Variants in GPC6 observed in about 807,000 individuals in gnomAD.
GPC6 encodes the protein glypican-6.
Under a neutral mutation model 55.2 loss-of-function variants are expected in GPC6, and 14 were observed. That is an observed-to-expected ratio of 0.25 (90% CI 0.17 to 0.40). The LOEUF is 0.40. GPC6 is among the 10% of genes least tolerant of loss of function. GPC6 has a pLI of 1.00. For synonymous variants in GPC6, 278 were observed against 259.6 expected, an observed-to-expected ratio of 1.07 and a Z score of -0.68; for missense variants, 641 against 708.5, an observed-to-expected ratio of 0.90 and a Z score of 1.08.
intron 2 of GPC6, among the ~76,000 whole-genome samples, chr13:93,610,526 A>T (rs931064448): frequency 1.3e-5 from 2 of 152,172 alleles, no homozygotes; most frequent in Non-Finnish European, 2.9e-5. Context: ...TCAGGAGATG[A>T]TAAGTGATCT....
chr13:93,819,687 A>C (rs1872096080), intron 2 of GPC6, among the ~76,000 whole-genome samples: 7 of 152,214 alleles, frequency 4.6e-5, no homozygotes, highest in Admixed American at 4.6e-4. Flanking sequence ...ATAGAAATGC[A>C]GTCCATAGGC....
At chr13:93,559,360 T>C (rs1167554154) in intron 2 of GPC6, among the ~76,000 whole-genome samples, 2 of 152,282 alleles carry the variant, frequency 1.3e-5, no homozygotes, top group Non-Finnish European at 1.5e-5. Flanking sequence ...TTGCATAAAG[T>C]TTTCCCCCAC....
At chr13:93,251,430 A>C (rs1876783585) in intron 1 of GPC6, among the ~76,000 whole-genome samples, 1 of 152,200 alleles carries the variant, frequency 6.6e-6, no homozygotes, top group Admixed American at 6.5e-5. Flanking sequence ...AAGTATTTGT[A>C]AAACATTATA....
Position 94,402,522 on chromosome 13 carries a change from A to T in GPC6, c.1466-493A>T, listed in dbSNP as rs548231182. 2.0e-5 allele frequency among the ~76,000 whole-genome samples: 3 copies of T among 152,192 alleles called. No individual in the cohort carries two copies. The East Asian group carries it at 5.8e-4, about 29-fold the overall frequency. ...ACAATCCTGTTGGGTAGGGTGGGGGACCATGGATGGGGAGATTTTGCCTCC... is the reference window on the plus strand; with the variant it reads ...ACAATCCTGTTGGGTAGGGTGGGGGTCCATGGATGGGGAGATTTTGCCTCC... On this transcript the variant is annotated intron_variant, in intron 8 of 8. Transcript: ENST00000377047.
At chr13:93,986,667 T>G (rs1881046952) in intron 3 of GPC6, among the ~76,000 whole-genome samples, 1 of 152,118 alleles carries the variant, frequency 6.6e-6, no homozygotes, top group African/African-American at 2.4e-5. Flanking sequence ...CAATGAATTG[T>G]GGAGAAATAT....
Position 94,405,708 on chromosome 13 carries a change from T to A in GPC6, c.*2491T>A, listed in dbSNP as rs566349029. 6.6e-6 allele frequency: 1 copy of A among 152,304 alleles called. No individual in the cohort carries two copies. The highest frequency in any genetic ancestry group is 1.9e-4 in the East Asian group (1 of 5,186). The allele number at this position is 152,304 out of a possible 1,614,324, so 9.4% of individuals were successfully genotyped here. On this transcript the variant is annotated 3_prime_UTR_variant, in exon 9 of 9. Coordinates refer to ENST00000377047, the MANE Select transcript of GPC6 (RefSeq NM_005708.5). ...TTTGTTTCAACACCTTCATTATCAATATGATTCATATTGATGAGATATAGT... is the reference window on the plus strand; with the variant it reads ...TTTGTTTCAACACCTTCATTATCAAAATGATTCATATTGATGAGATATAGT...
At chr13:93,850,248 T>A (rs193080766) in intron 3 of GPC6, among the ~76,000 whole-genome samples, 6 of 152,094 alleles carry the variant, frequency 3.9e-5, no homozygotes, top group Admixed American at 2.6e-4. Flanking sequence ...ACCAACTCTT[T>A]GGCAGGTGCA....
chr13:93,712,928 TA>T (rs1178121949), intron 2 of GPC6, among the ~76,000 whole-genome samples: 3 of 151,444 alleles, frequency 2.0e-5, no homozygotes, highest in Non-Finnish European at 4.4e-5. Context: ...AGCCGCATTT[TA>T]AAAAAATTTC....
intron 1 of GPC6, among the ~76,000 whole-genome samples, chr13:93,432,285 C>A (rs372987655): frequency 6.6e-6 from 1 of 152,088 alleles, no homozygotes; most frequent in East Asian, 1.9e-4. Context: ...TGAACAGATC[C>A]ATGTATGACT....
intron 2 of GPC6, among the ~76,000 whole-genome samples, chr13:93,574,611 T>A (rs1269661176): frequency 6.6e-6 from 1 of 152,104 alleles, no homozygotes; most frequent in East Asian, 1.9e-4. Flanking sequence ...CCATTTGAAG[T>A]GTATGATTTA....
intron 4 of GPC6, among the ~76,000 whole-genome samples, chr13:94,152,905 C>A (rs947160928): frequency 6.6e-6 from 1 of 152,092 alleles, no homozygotes; most frequent in Non-Finnish European, 1.5e-5. Context: ...GAGATGTAAT[C>A]CCCACCTTCA....
intron 1 of GPC6, among the ~76,000 whole-genome samples, chr13:93,381,015 G>A (rs1178416887): frequency 2.0e-5 from 3 of 152,044 alleles, no homozygotes; most frequent in Non-Finnish European, 2.9e-5. Context: ...TATTTTAAGT[G>A]TCTCATTTTA....
chr13:93,381,131 A>G (rs1223294521), intron 1 of GPC6, among the ~76,000 whole-genome samples: 4 of 152,202 alleles, frequency 2.6e-5, no homozygotes, highest in African/African-American at 9.6e-5. Flanking sequence ...AACCTGAAAT[A>G]AAGCTGTTAT....
At chr13:94,274,206 C>A (rs1481127988) in intron 4 of GPC6, among the ~76,000 whole-genome samples, 1 of 152,110 alleles carries the variant, frequency 6.6e-6, no homozygotes, top group East Asian at 1.9e-4. Flanking sequence ...TATTTTCCGC[C>A]ACAATTTGCA....
At chr13:93,850,064 A>G (rs950828588) in intron 3 of GPC6, among the ~76,000 whole-genome samples, 4 of 152,078 alleles carry the variant, frequency 2.6e-5, no homozygotes, top group African/African-American at 9.7e-5. Flanking sequence ...GTCATGAATG[A>G]GCGATTAAAA....
chr13:94,060,092 T>C (rs1333853485), intron 4 of GPC6, among the ~76,000 whole-genome samples: 2 of 152,130 alleles, frequency 1.3e-5, no homozygotes, highest in Admixed American at 6.6e-5. Flanking sequence ...CTACTAATGA[T>C]AATTTTAAAA....
intron 4 of GPC6, among the ~76,000 whole-genome samples, chr13:94,087,015 A>G (rs1350067746): frequency 6.6e-6 from 1 of 152,176 alleles, no homozygotes; most frequent in Non-Finnish European, 1.5e-5. Context: ...GGAAAATTAG[A>G]GAAACTATGA....
At chr13:93,682,282 A>C (rs1366362723) in intron 2 of GPC6, among the ~76,000 whole-genome samples, 1 of 152,100 alleles carries the variant, frequency 6.6e-6, no homozygotes, top group African/African-American at 2.4e-5. Context: ...CAAAAGGGGG[A>C]GTTGTACTAT....
chr13:94,090,501 G>C (rs1294735196), intron 4 of GPC6, among the ~76,000 whole-genome samples: 1 of 152,086 alleles, frequency 6.6e-6, no homozygotes, highest in Non-Finnish European at 1.5e-5. Context: ...CATGAAAAAG[G>C]TCAAAATACT....
Sources: allele counts gnomAD v4.1 joint callset (sites outside exome capture counted in the v4.1 genomes callset), GRCh38; gene constraint gnomAD v4.1.1; transcripts MANE v1.5; gene names NCBI Gene and HGNC (gene_info 2026-07-23, HGNC 2026-07-21).